Variants in KIAA1217 observed in about 807,000 individuals in gnomAD.
The protein encoded by KIAA1217 is sickle tail protein homolog.
In KIAA1217, 88 loss-of-function variants were observed where a neutral mutation model predicts 163.9. The ratio of observed to expected loss-of-function variants is 0.54; its 90% confidence interval spans 0.45 to 0.64. The LOEUF (loss-of-function observed/expected upper bound fraction) is 0.64. Among genes scored for constraint, KIAA1217 ranks in the 30% least tolerant of loss-of-function variants. KIAA1217 has a pLI of 0.00. For missense variants in KIAA1217, 2,372 were observed against 2,475.0 expected, an observed-to-expected ratio of 0.96 and a Z score of 0.88; for synonymous variants, 903 against 923.1, an observed-to-expected ratio of 0.98 and a Z score of 0.39.
chr10:23,925,009 G>A (rs1336566819), intron 1 of KIAA1217, among the ~76,000 whole-genome samples: 2 of 151,890 alleles, frequency 1.3e-5, no homozygotes, highest in South Asian at 2.1e-4. Flanking sequence ...TGGAAACTTG[G>A]CCTGTTTTTC....
In KIAA1217 at chr10:24,132,872, C is replaced by T. The variant is rs34787255; in HGVS notation, c.-170-86754C>T. Among the ~76,000 whole-genome samples the T allele has an allele frequency of 8.1e-3, 1,227 of 152,260 alleles. 9 individuals are homozygous for T. The highest frequency in any genetic ancestry group is 0.012 in the Non-Finnish European group (807 of 68,020). ...GACTTCAACAGTACCATTTTGAGAA[C>T]TTGACACATACCTCCTGGAGCTGGA... On this transcript the variant is annotated intron_variant, in intron 2 of 18. Transcript: ENST00000376462.
At chr10:23,783,985 T>C (rs756594743) in intron 1 of KIAA1217, among the ~76,000 whole-genome samples, 20 of 151,924 alleles carry the variant, frequency 1.3e-4, no homozygotes, top group Non-Finnish European at 2.4e-4. Flanking sequence ...ATTTTATTTA[T>C]TTATTAAAAA....
chr10:24,065,312 G>A (rs541328444), intron 2 of KIAA1217, among the ~76,000 whole-genome samples: 328 of 152,018 alleles, frequency 2.2e-3, no homozygotes, highest in Middle Eastern at 0.01. Flanking sequence ...ACACTGCTTT[G>A]AATGTGTCCC....
intron 2 of KIAA1217, among the ~76,000 whole-genome samples, chr10:24,092,842 T>G (rs965456988): frequency 1.3e-5 from 2 of 151,544 alleles, no homozygotes; most frequent in African/African-American, 4.9e-5. Context: ...AGCCAACTCT[T>G]TGTATTTGTC....
intron 3 of KIAA1217, among the ~76,000 whole-genome samples, chr10:24,415,682 A>G (rs530301584): frequency 1.4e-4 from 22 of 152,128 alleles, no homozygotes; most frequent in African/African-American, 4.8e-4. Flanking sequence ...TTGCACACTC[A>G]CACACAAGAC....
chr10:24,384,233 G>A (rs1172406285), intron 3 of KIAA1217, among the ~76,000 whole-genome samples: 1 of 152,150 alleles, frequency 6.6e-6, no homozygotes, highest in East Asian at 1.9e-4. Flanking sequence ...GTTCTCTCAT[G>A]AAGCCCTGTT....
intron 3 of KIAA1217, among the ~76,000 whole-genome samples, chr10:24,427,859 A>G (rs1243182094): frequency 1.3e-5 from 2 of 152,202 alleles, no homozygotes; most frequent in Admixed American, 6.5e-5. Flanking sequence ...ATTCCTTCTG[A>G]GTCTAAGCAT....
intron 1 of KIAA1217, among the ~76,000 whole-genome samples, chr10:23,902,560 G>T (rs1227238979): frequency 6.6e-6 from 1 of 152,110 alleles, no homozygotes; most frequent in African/African-American, 2.4e-5. Context: ...TAGATGCCAT[G>T]CTGAGCTCCA....
chr10:24,053,584 T>C (rs1482251552), intron 2 of KIAA1217, among the ~76,000 whole-genome samples: 2 of 152,112 alleles, frequency 1.3e-5, no homozygotes. Context: ...TAGGTTGTTT[T>C]CTGAAACTAT....
At chr10:23,856,080 A>G (rs1271005962) in intron 1 of KIAA1217, among the ~76,000 whole-genome samples, 1 of 152,110 alleles carries the variant, frequency 6.6e-6, no homozygotes, top group East Asian at 1.9e-4. Context: ...GGAGGAGGAG[A>G]GGCACTCTGC....
intron 1 of KIAA1217, among the ~76,000 whole-genome samples, chr10:23,802,679 G>A (rs1836528985): frequency 6.6e-6 from 1 of 152,180 alleles, no homozygotes; most frequent in Non-Finnish European, 1.5e-5. Flanking sequence ...GTACAGAGAA[G>A]AAACTTTATT....
intron 2 of KIAA1217, among the ~76,000 whole-genome samples, chr10:24,370,264 C>CAAAAAAAAAAAAAAAAAA: frequency 1.4e-5 from 1 of 73,450 alleles, no homozygotes; most frequent in Non-Finnish European, 2.6e-5. Context: ...GACTCTGTCT[C>CAAAAAAAAAAAAAAAAAA]AAAAAAAAAA....
chr10:24,381,367 G>T (rs776017990), intron 3 of KIAA1217, among the ~76,000 whole-genome samples: 26 of 152,128 alleles, frequency 1.7e-4, no homozygotes, highest in African/African-American at 5.1e-4. Flanking sequence ...GGAGTCCCCA[G>T]TCCCCAGGCC....
At chr10:24,488,349 A>C (rs1258067831) in intron 6 of KIAA1217, among the ~76,000 whole-genome samples, 1 of 152,136 alleles carries the variant, frequency 6.6e-6, no homozygotes, top group Admixed American at 6.5e-5. Context: ...TAGGGATGAG[A>C]TAGTCAAGAA....
chr10:24,493,061 G>C (rs988076161), intron 6 of KIAA1217, among the ~76,000 whole-genome samples: 8 of 152,146 alleles, frequency 5.3e-5, no homozygotes, highest in African/African-American at 1.9e-4. Flanking sequence ...GGCCAGGCTG[G>C]TCTCGAAGTT....
chr10:24,254,088 C>G (rs1253573952), intron 2 of KIAA1217, among the ~76,000 whole-genome samples: 9 of 152,212 alleles, frequency 5.9e-5, no homozygotes, highest in Non-Finnish European at 5.9e-5. Flanking sequence ...TTCATCTGCT[C>G]TCAATTGAAA....
chr10:24,107,838 G>A (rs992431959), intron 2 of KIAA1217, among the ~76,000 whole-genome samples: 1 of 152,144 alleles, frequency 6.6e-6, no homozygotes, highest in African/African-American at 2.4e-5. Flanking sequence ...GCTGCAAAGG[G>A]GAAGAACAGT....
intron 2 of KIAA1217, among the ~76,000 whole-genome samples, chr10:24,378,054 T>C (rs1485103426): frequency 6.6e-6 from 1 of 152,220 alleles, no homozygotes; most frequent in East Asian, 1.9e-4. Flanking sequence ...TCTCTGTTTT[T>C]TAATACAGAT....
At chr10:24,099,348 C>A (rs958880643) in intron 2 of KIAA1217, among the ~76,000 whole-genome samples, 14 of 150,880 alleles carry the variant, frequency 9.3e-5, no homozygotes, top group East Asian at 3.9e-4. Context: ...CCCTACCCCA[C>A]GGCAGGTCCC....
Sources: allele counts gnomAD v4.1 joint callset (sites outside exome capture counted in the v4.1 genomes callset), GRCh38; gene constraint gnomAD v4.1.1; transcripts MANE v1.5; gene names NCBI Gene and HGNC (gene_info 2026-07-23, HGNC 2026-07-21).